Variants in BAZ2B observed in about 807,000 individuals in gnomAD.
The protein encoded by BAZ2B is bromodomain adjacent to zinc finger domain 2B.
BAZ2B carries 91 observed loss-of-function variants against 246.0 expected under a neutral mutation model. That is an observed-to-expected ratio of 0.37 (90% CI 0.31 to 0.44). BAZ2B has a LOEUF of 0.44. Among genes scored for constraint, BAZ2B ranks in the 20% least tolerant of loss-of-function variants. The probability of loss-of-function intolerance (pLI) is 1.00; values close to 1 mark genes in which losing one functional copy is unlikely to be tolerated. For missense variants in BAZ2B, 2,332 were observed against 2,533.7 expected (o/e 0.92, Z 1.71); for synonymous variants, 855 against 860.0 (o/e 0.99, Z 0.10).
the BAZ2B span, among the ~76,000 whole-genome samples, chr2:159,704,313 A>C: frequency 6.6e-6 from 1 of 152,202 alleles, no homozygotes; most frequent in Non-Finnish European, 1.5e-5. Context: ...TAAGAAAGTG[A>C]AACAGGAATA....
chr2:159,392,531 T>G (rs1188817921), intron 20 of BAZ2B, among the ~76,000 whole-genome samples: 1 of 152,132 alleles, frequency 6.6e-6, no homozygotes, highest in Non-Finnish European at 1.5e-5. Context: ...TATTCACCTG[T>G]TTCTTCATGG....
intron 1 of BAZ2B, among the ~76,000 whole-genome samples, chr2:159,583,004 A>G (rs971537839): frequency 6.6e-6 from 1 of 152,210 alleles, no homozygotes; most frequent in Non-Finnish European, 1.5e-5. Flanking sequence ...ATAATTATAT[A>G]GAATACATAG....
At chr2:159,620,443 C>A (rs1696385445), upstream of BAZ2B, among the ~76,000 whole-genome samples, 2 of 152,038 alleles carry the variant, frequency 1.3e-5, no homozygotes, top group Admixed American at 6.6e-5. Context: ...GTGTGAAATG[C>A]CTGGGAGATT....
intron 27 of BAZ2B, among the ~76,000 whole-genome samples, chr2:159,350,861 C>T (rs1198551528): frequency 1.3e-5 from 2 of 150,424 alleles, no homozygotes; most frequent in African/African-American, 2.5e-5. Flanking sequence ...GCATGAGCCA[C>T]CACTCCCAGC....
intron 31 of BAZ2B, among the ~76,000 whole-genome samples, chr2:159,344,757 G>T (rs1041523014): frequency 6.6e-6 from 1 of 151,918 alleles, no homozygotes; most frequent in African/African-American, 2.4e-5. Flanking sequence ...TACTTTAAGT[G>T]AAGTAAGCCA....
At chr2:159,573,013 G>A (rs59852872) in intron 1 of BAZ2B, among the ~76,000 whole-genome samples, 2,365 of 152,068 alleles carry the variant, frequency 0.016, 57 homozygotes, top group African/African-American at 0.049. Flanking sequence ...ATATTATGAG[G>A]GCAAAATATC....
chr2:159,434,169 T>C (rs2071705344), intron 8 of BAZ2B: 1 of 151,964 alleles, frequency 6.6e-6, no homozygotes, highest in Non-Finnish European at 1.5e-5. Flanking sequence ...TTATTATTAT[T>C]ATTATTTTTT....
chr2:159,506,373 G>A (rs1400297033), intron 2 of BAZ2B, among the ~76,000 whole-genome samples: 1 of 152,100 alleles, frequency 6.6e-6, no homozygotes, highest in African/African-American at 2.4e-5. Flanking sequence ...GCTGTAATAT[G>A]CTGTATTACA....
intron 1 of BAZ2B, among the ~76,000 whole-genome samples, chr2:159,574,008 G>A (rs546997668): frequency 1.3e-5 from 2 of 152,172 alleles, no homozygotes; most frequent in Admixed American, 6.5e-5. Context: ...GGCTGAGGGG[G>A]AGGATCCCTA....
Position 159,325,792 on chromosome 2 carries a change from T to C in BAZ2B, c.6070A>G (p.Ser2024Gly). 1 of 1,609,088 alleles carries C rather than the reference T, an allele frequency of 6.2e-7. No individual in the cohort carries two copies. Among genetic ancestry groups the C allele is most frequent in the African/African-American group, 1.3e-5 (1 of 74,676 alleles). ...TEDEDSASTSSSLKRGNKDLK... is the reference protein window; with the variant it reads ...TEDEDSASTSGSLKRGNKDLK... ...TCTTTGTTTCCTCTTTTTAGTGAAC[T>C]ACTTGTAGATGCAGAGTCTTCATCT... The change falls in exon 35 of 37, where the codon AGT (serine) becomes GGT (glycine). Residue 2024 changes from serine (S) to glycine (G), a missense_variant. Ser to Gly is a moderately conservative substitution (Grantham distance 56, BLOSUM62 0). This residue lies in a region of BAZ2B where 210 missense variants were observed against 232.5 expected (regional missense o/e 0.90). Transcript: ENST00000392783.
At chr2:159,462,732 A>G in intron 3 of BAZ2B, 3 of 1,421,516 alleles carry the variant, frequency 2.1e-6, no homozygotes, top group Non-Finnish European at 3.0e-6. Flanking sequence ...TTCCACTCTG[A>G]TCTCCAACGA....
At chr2:159,456,807 G>A (rs2075828545) in intron 3 of BAZ2B, among the ~76,000 whole-genome samples, 1 of 152,086 alleles carries the variant, frequency 6.6e-6, no homozygotes, top group Admixed American at 6.5e-5. Context: ...ATTTAGTAAA[G>A]TATACTAAGA....
the BAZ2B span, among the ~76,000 whole-genome samples, chr2:159,671,292 A>G: frequency 1.5e-4 from 23 of 152,156 alleles, no homozygotes; most frequent in Non-Finnish European, 3.1e-4. Flanking sequence ...GGGTCACTGG[A>G]GCTCCTCGCA....
At chr2:159,529,473 G>C (rs2085131164) in intron 2 of BAZ2B, among the ~76,000 whole-genome samples, 1 of 152,118 alleles carries the variant, frequency 6.6e-6, no homozygotes, top group South Asian at 2.1e-4. Flanking sequence ...GGCATTTACT[G>C]TTTTCTTTGG....
chr2:159,706,766 C>T, the BAZ2B span, among the ~76,000 whole-genome samples: 2 of 152,234 alleles, frequency 1.3e-5, no homozygotes, highest in African/African-American at 4.8e-5. Context: ...TATACGACAG[C>T]TTGGCAAGGC....
the BAZ2B span, among the ~76,000 whole-genome samples, chr2:159,704,978 G>A: frequency 6.6e-5 from 10 of 150,702 alleles, no homozygotes; most frequent in South Asian, 4.2e-4. Flanking sequence ...ATGGGATTAC[G>A]AGCCACCACG....
chr2:159,695,561 GGT>G, the BAZ2B span: 4 of 151,986 alleles, frequency 2.6e-5, no homozygotes, highest in African/African-American at 9.7e-5. Flanking sequence ...TTTTGTGCAT[GGT>G]GTGAGGTAGG....
At chr2:159,451,676 G>T (rs1378343199) in intron 4 of BAZ2B, among the ~76,000 whole-genome samples, 2 of 152,116 alleles carry the variant, frequency 1.3e-5, no homozygotes, top group East Asian at 3.8e-4. Context: ...GGCCTTGTGT[G>T]CAGAGCATAG....
At chr2:159,553,942 C>T (rs758581067) in intron 2 of BAZ2B, among the ~76,000 whole-genome samples, 10 of 152,100 alleles carry the variant, frequency 6.6e-5, no homozygotes, top group East Asian at 1.9e-4. Context: ...TCCAGCCACA[C>T]GGTAAACATA....
Sources: allele counts gnomAD v4.1 joint callset (sites outside exome capture counted in the v4.1 genomes callset), GRCh38; gene constraint gnomAD v4.1.1; regional missense constraint gnomAD v4.1.1; transcripts MANE v1.5; gene names NCBI Gene and HGNC (gene_info 2026-07-23, HGNC 2026-07-21).